SRGAP3: variants seen among roughly 807,000 people sequenced by gnomAD.
The protein encoded by SRGAP3 is SLIT-ROBO Rho GTPase activating protein 3, also known as SLIT-ROBO Rho GTPase-activating protein 3.
SRGAP3 carries 39 observed loss-of-function variants against 121.1 expected under a neutral mutation model. The observed-to-expected ratio is 0.32, with a 90% confidence interval of 0.25 to 0.42. The LOEUF is 0.42. SRGAP3 is among the 10% of genes least tolerant of loss of function. The probability of loss-of-function intolerance (pLI) is 1.00; values close to 1 mark genes in which losing one functional copy is unlikely to be tolerated. For synonymous variants in SRGAP3, 601 were observed against 570.0 expected (o/e 1.05, Z -0.77); for missense variants, 1,213 against 1,470.6 (o/e 0.82, Z 2.86).
intron 1 of SRGAP3, among the ~76,000 whole-genome samples, chr3:9,142,249 T>G (rs1181407766): frequency 6.6e-6 from 1 of 152,228 alleles, no homozygotes; most frequent in Non-Finnish European, 1.5e-5. Context: ...TGGGCATGAT[T>G]TTTTTCCTTG....
intron 2 of SRGAP3, among the ~76,000 whole-genome samples, chr3:9,120,909 T>C (rs1948981915): frequency 6.6e-6 from 1 of 152,122 alleles, no homozygotes; most frequent in African/African-American, 2.4e-5. Context: ...CACAGCACAG[T>C]GCGTATTCCT....
intron 1 of SRGAP3, among the ~76,000 whole-genome samples, chr3:9,125,452 C>A (rs1023080492): frequency 6.6e-6 from 1 of 152,204 alleles, no homozygotes; most frequent in Admixed American, 6.5e-5. Flanking sequence ...TGACTTTCTC[C>A]ATGTGTAGTC....
At chr3:9,015,457 C>G (rs548074366) in intron 15 of SRGAP3, 140 bp downstream of exon 15, 2 of 1,119,308 alleles carry the variant, frequency 1.8e-6, no homozygotes, top group Non-Finnish European at 2.6e-6. Context: ...GTTATTTCCG[C>G]TTTCAGTTCT....
chr3:9,043,196 C>G (rs1028165980), intron 10 of SRGAP3, among the ~76,000 whole-genome samples: 3 of 152,188 alleles, frequency 2.0e-5, no homozygotes, highest in African/African-American at 7.2e-5. Flanking sequence ...CTCTGTCGCC[C>G]AGGCTGGAAA....
chr3:9,340,047 CAG>C (rs1955756702), intron 1 of SRGAP3, among the ~76,000 whole-genome samples: 1 of 152,120 alleles, frequency 6.6e-6, no homozygotes, highest in African/African-American at 2.4e-5. Flanking sequence ...GGGACCCCAA[CAG>C]AGAGGAGTGA....
At chr3:9,245,852 A>G (rs1387083794) in intron 1 of SRGAP3, among the ~76,000 whole-genome samples, 1 of 152,238 alleles carries the variant, frequency 6.6e-6, no homozygotes, top group Non-Finnish European at 1.5e-5. Flanking sequence ...TGAACCCAAG[A>G]GGCGGAGATT....
intron 1 of SRGAP3, among the ~76,000 whole-genome samples, chr3:9,189,437 G>C (rs1015359761): frequency 2.6e-5 from 4 of 152,164 alleles, no homozygotes; most frequent in African/African-American, 9.7e-5. Context: ...GTATGGGAAG[G>C]GGATGAAGTA....
intron 3 of SRGAP3, among the ~76,000 whole-genome samples, chr3:9,273,714 T>A (rs1306550197): frequency 6.6e-6 from 1 of 152,208 alleles, no homozygotes; most frequent in Non-Finnish European, 1.5e-5. Flanking sequence ...GCTTTATCGT[T>A]TTAGGTCTTA....
chr3:9,067,412 T>G (rs1946481465), intron 4 of SRGAP3, among the ~76,000 whole-genome samples: 1 of 152,042 alleles, frequency 6.6e-6, no homozygotes, highest in Non-Finnish European at 1.5e-5. Flanking sequence ...TTTTGCTCAT[T>G]TGCGATCTCC....
intron 1 of SRGAP3, among the ~76,000 whole-genome samples, chr3:9,343,589 T>C (rs1669546461): frequency 6.6e-6 from 1 of 152,224 alleles, no homozygotes; most frequent in Admixed American, 6.5e-5. Flanking sequence ...TAGCATTGTA[T>C]TATATATACT....
At chr3:9,096,257 G>A (rs1947961668) in intron 3 of SRGAP3, among the ~76,000 whole-genome samples, 1 of 152,070 alleles carries the variant, frequency 6.6e-6, no homozygotes, top group South Asian at 2.1e-4. Context: ...AAATCATAAT[G>A]AAAATTATGA....
Position 9,248,933 on chromosome 3 carries a change from A to G in SRGAP3, c.19T>C (p.Phe7Leu). The G allele has an allele frequency of 1.2e-6, 2 of 1,614,130 alleles. No homozygotes were observed. The highest frequency in any genetic ancestry group is 1.7e-6 in the Non-Finnish European group (2 of 1,180,034). MSSQTKFKKDKEIIAEY... is the reference protein window; with the variant it reads MSSQTKLKKDKEIIAEY... ...GCAATGATCTCTTTGTCTTTCTTGA[A>G]CTTAGTTTGAGATGACATCTTCTGA... is the stretch of plus-strand genomic sequence containing the variant. The change falls in exon 1 of 22, where the codon TTC (phenylalanine) becomes CTC (leucine). Residue 7 changes from phenylalanine to leucine, a missense_variant. Around this residue, in one of 2 missense-constraint regions of SRGAP3, gnomAD observed 793 missense variants for 1,032.9 expected, o/e 0.77. Transcript: ENST00000383836.
At chr3:9,232,466 T>A (rs968211398) in intron 1 of SRGAP3, among the ~76,000 whole-genome samples, 15 of 152,182 alleles carry the variant, frequency 9.9e-5, no homozygotes, top group Non-Finnish European at 5.9e-5. Context: ...CCAAAGACTC[T>A]TTTTATACAT....
intron 3 of SRGAP3, among the ~76,000 whole-genome samples, chr3:9,100,211 T>C (rs1948163092): frequency 6.6e-6 from 1 of 152,224 alleles, no homozygotes. Context: ...CTGAGTTTTT[T>C]CCTTCGACCT....
At chr3:9,190,610 C>T (rs1389636885) in intron 1 of SRGAP3, among the ~76,000 whole-genome samples, 1 of 152,206 alleles carries the variant, frequency 6.6e-6, no homozygotes, top group Non-Finnish European at 1.5e-5. Context: ...CCTGGGGTTA[C>T]TCAACAACTG....
At position 8,991,178 on chromosome 3, in the gene SRGAP3, G is replaced by A. The variant is rs1006448347; in HGVS notation, c.2559-339C>T. 2.0e-5 allele frequency among the ~76,000 whole-genome samples: 3 copies of A among 152,312 alleles called. No homozygotes were observed. In the East Asian group the frequency reaches 5.8e-4, roughly 29 times the overall value. On this transcript the variant is annotated intron_variant, in intron 20 of 21. Coordinates refer to ENST00000383836, the MANE Select transcript of SRGAP3 (RefSeq NM_014850.4). ...CCTGGAAACGCTTTGGTGATGGTTA[G>A]TTGGGCTCATGATACCCTCTGAAGC...
At chr3:9,330,714 G>C (rs1955592616) in intron 1 of SRGAP3, 1 of 152,214 alleles carries the variant, frequency 6.6e-6, no homozygotes, top group African/African-American at 2.4e-5. Context: ...TCCATGGGTA[G>C]CTTGTGGTCA....
chr3:9,167,570 G>C (rs1950834820), intron 1 of SRGAP3, among the ~76,000 whole-genome samples: 1 of 152,158 alleles, frequency 6.6e-6, no homozygotes, highest in African/African-American at 2.4e-5. Context: ...CGCCTAGGGG[G>C]GGAGCAGGAA....
intron 1 of SRGAP3, among the ~76,000 whole-genome samples, chr3:9,176,739 C>G (rs4053863): frequency 1.3e-5 from 2 of 152,090 alleles, no homozygotes; most frequent in African/African-American, 4.8e-5. Context: ...CGGGGAGGAA[C>G]CACACACTTT....
Sources: gnomAD v4.1 joint callset for allele counts (sites outside exome capture counted in the v4.1 genomes callset) on GRCh38, gnomAD v4.1.1 for gene constraint, gnomAD v4.1.1 regional missense constraint, MANE v1.5 for transcripts, NCBI Gene and HGNC (gene_info 2026-07-23, HGNC 2026-07-21) for gene names.